The following RPS29 variants were observed in gnomAD, a reference collection of about 807,000 sequenced individuals.
RPS29 encodes small ribosomal subunit protein uS14.
For synonymous variants in RPS29, 37 were observed against 26.9 expected, an observed-to-expected ratio of 1.37 and a Z score of -1.16; for missense variants, 60 against 75.7, an observed-to-expected ratio of 0.79 and a Z score of 0.77.
At chr14:49,593,811 A>G (rs1881766363) in intron 1 of RPS29, among the ~76,000 whole-genome samples, 1 of 151,878 alleles carries the variant, frequency 6.6e-6, no homozygotes, top group African/African-American at 2.4e-5. Flanking sequence ...GTCCTGGGGC[A>G]ATCTGTCCTC....
At chr14:49,592,839 C>T (rs1239430473) in intron 1 of RPS29, among the ~76,000 whole-genome samples, 2 of 151,308 alleles carry the variant, frequency 1.3e-5, no homozygotes, top group African/African-American at 4.9e-5. Context: ...ACCCAGAAGG[C>T]GGAGGTTGCA....
At chr14:49,585,624 A>C in intron 2 of RPS29, 1 of 435,668 alleles carries the variant, frequency 2.3e-6, no homozygotes, top group Non-Finnish European at 4.1e-6. Flanking sequence ...AAGATTGATA[A>C]ATGAAACAAA....
At chr14:49,573,081 GAAGAAAGAAAGAAAGAAAGAAGGA>G (rs927792257) in exon 3 of RPS29, 5 of 146,168 alleles carry the variant, frequency 3.4e-5, no homozygotes, top group Admixed American at 1.4e-4. Context: ...AGAAAAAAAA[GAAGAAAGAAAGAAAGAAAGAAGGA>G]AAGAAAGAAA....
At chr14:49,597,659 CTT>C (rs34224175) in intron 1 of RPS29, 19 of 147,610 alleles carry the variant, frequency 1.3e-4, no homozygotes, top group African/African-American at 4.0e-4. Context: ...AAAGTAATTT[CTT>C]TTTTTTTTTT....
At chr14:49,584,779 T>A (rs1419545027) in intron 2 of RPS29, among the ~76,000 whole-genome samples, 1 of 94,838 alleles carries the variant, frequency 1.1e-5, no homozygotes, top group Non-Finnish European at 2.3e-5. Flanking sequence ...AAAAAAAAAT[T>A]TACATCATTA....
exon 3 of RPS29, chr14:49,576,787 G>A (rs1473162376): frequency 1.3e-5 from 2 of 152,116 alleles, no homozygotes; most frequent in Non-Finnish European, 2.9e-5. Flanking sequence ...GAGAACTGAT[G>A]GTTTTATAAG....
chr14:49,594,655 T>G (rs1318820542), intron 1 of RPS29, among the ~76,000 whole-genome samples: 3 of 152,262 alleles, frequency 2.0e-5, no homozygotes, highest in Admixed American at 6.5e-5. Flanking sequence ...CATGTTTGTA[T>G]GTCTGAGATA....
At chr14:49,586,168 C>G in intron 1 of RPS29, 117 bp downstream of exon 1, 2 of 1,381,606 alleles carry the variant, frequency 1.4e-6, no homozygotes, top group Non-Finnish European at 2.1e-6. Flanking sequence ...AATGGCGGCA[C>G]CAGCGACTCC....
chr14:49,576,588 A>C (rs1223686923), exon 3 of RPS29: 1 of 152,224 alleles, frequency 6.6e-6, no homozygotes, highest in African/African-American at 2.4e-5. Flanking sequence ...AGGCTGCTTT[A>C]AAACTGTTGA....
upstream of RPS29, among the ~76,000 whole-genome samples, chr14:49,588,466 A>T (rs773011233): frequency 6.6e-6 from 1 of 152,238 alleles, no homozygotes; most frequent in Non-Finnish European, 1.5e-5. Context: ...CAAACTGAGA[A>T]CACAGCTTTA....
exon 3 of RPS29, chr14:49,571,708 G>C (rs777175508): frequency 6.6e-6 from 1 of 152,182 alleles, no homozygotes; most frequent in Non-Finnish European, 1.5e-5. Flanking sequence ...ATCCTGGTTG[G>C]TGAACATATC....
At chr14:49,588,887 T>TC (rs1182170896), upstream of RPS29, among the ~76,000 whole-genome samples, 1 of 91,852 alleles carries the variant, frequency 1.1e-5, no homozygotes, top group Non-Finnish European at 2.5e-5. Context: ...TTTTTTTTTT[T>TC]TTTTTTTTTT....
At position 49,583,672 on chromosome 14, in the gene RPS29, C is replaced by G; in HGVS notation, c.166G>C (p.Asp56His). 1 of 1,537,930 alleles carries G rather than the reference C, an allele frequency of 6.5e-7. No individual in the cohort carries two copies. Among genetic ancestry groups the G allele is most frequent in the South Asian group, 1.2e-5 (1 of 85,482 alleles). Reference sequence around the variant, plus strand: ...ATCCTCTGAAGGAAGAGCATTTAGTCCAACTGAAAAAAAAAAAGCAGATGA... The same window carrying G: ...ATCCTCTGAAGGAAGAGCATTTAGTGCAACTGAAAAAAAAAAAGCAGATGA... Reference protein sequence around the residue: ...YAKDIGFIKLD With the variant: ...YAKDIGFIKLH The change falls in exon 3 of 3, where the codon GAC becomes CAC. Residue 56 changes from aspartate (D) to histidine (H), a missense_variant. Coordinates refer to ENST00000245458, the MANE Select transcript of RPS29 (RefSeq NM_001032.5).
chr14:49,580,027 G>A (rs1219778085), downstream of RPS29, among the ~76,000 whole-genome samples: 1 of 152,124 alleles, frequency 6.6e-6, no homozygotes, highest in African/African-American at 2.4e-5. Flanking sequence ...ATCCACAGCA[G>A]CCTTCCCACT....
rs781236052 is a variant in RPS29, at chr14:49,586,370, G to A, written c.-24C>T. 8.7e-6 allele frequency: 14 copies of A among 1,610,106 alleles called. No individual in the cohort carries two copies. Among genetic ancestry groups the A allele is most frequent in the South Asian group, 4.4e-5 (4 of 91,006 alleles). On this transcript the variant is annotated 5_prime_UTR_variant, in exon 1 of 3. Coordinates refer to ENST00000245458, the MANE Select transcript of RPS29 (RefSeq NM_001032.5). Reference sequence around the variant, plus strand: ...ATCTTGCTCTCAGCAGTGCAACGAGGTAAAAGGAAGAAGCTGGCCCACGCA... The same window carrying A: ...ATCTTGCTCTCAGCAGTGCAACGAGATAAAAGGAAGAAGCTGGCCCACGCA...
chr14:49,586,087 A>C, intron 1 of RPS29, 38 bp from the exon 2 acceptor site: 2 of 1,573,792 alleles, frequency 1.3e-6, no homozygotes, highest in South Asian at 2.2e-5. Flanking sequence ...AGGTCATAGA[A>C]ATTACAAGAC....
chr14:49,591,187 A>G (rs1254629589), upstream of RPS29, among the ~76,000 whole-genome samples: 2 of 152,232 alleles, frequency 1.3e-5, no homozygotes, highest in Non-Finnish European at 2.9e-5. Context: ...ACATGCATAC[A>G]TTAAATATAT....
chr14:49,585,062 T>C (rs1363731017), intron 2 of RPS29, among the ~76,000 whole-genome samples: 1 of 151,872 alleles, frequency 6.6e-6, no homozygotes, highest in Non-Finnish European at 1.5e-5. Flanking sequence ...CATTCCAGTG[T>C]ATGACGCTTT....
intron 1 of RPS29, among the ~76,000 whole-genome samples, chr14:49,596,644 G>A (rs563709843): frequency 6.6e-6 from 1 of 152,230 alleles, no homozygotes; most frequent in South Asian, 2.1e-4. Flanking sequence ...TACATTTTTG[G>A]CAGTATATAC....
Sources: allele counts gnomAD v4.1 joint callset (sites outside exome capture counted in the v4.1 genomes callset), GRCh38; gene constraint gnomAD v4.1.1; transcripts MANE v1.5; gene names NCBI Gene and HGNC (gene_info 2026-07-23, HGNC 2026-07-21).